The following RSRC1 variants were observed in gnomAD, a reference collection of about 807,000 sequenced individuals.
The protein encoded by RSRC1 is serine/Arginine-related protein 53.
A neutral mutation model predicts 49.1 loss-of-function variants in RSRC1; 39 were observed. The ratio of observed to expected loss-of-function variants is 0.79; its 90% confidence interval spans 0.61 to 1.04. The LOEUF (loss-of-function observed/expected upper bound fraction) is 1.04. RSRC1 is among the 50% of genes least tolerant of loss of function. The pLI is 0.00. For missense variants in RSRC1, 388 were observed against 402.4 expected, an observed-to-expected ratio of 0.96 and a Z score of 0.31; for synonymous variants, 143 against 130.8, an observed-to-expected ratio of 1.09 and a Z score of -0.63.
chr3:158,458,415 A>G (rs1182384433), intron 6 of RSRC1, among the ~76,000 whole-genome samples: 2 of 152,162 alleles, frequency 1.3e-5, no homozygotes, highest in East Asian at 1.9e-4. Context: ...AAAAACTGCA[A>G]TTACTAAAAA....
chr3:158,119,536 A>C (rs1207580993), intron 1 of RSRC1, among the ~76,000 whole-genome samples: 2 of 152,180 alleles, frequency 1.3e-5, no homozygotes, highest in African/African-American at 4.8e-5. Flanking sequence ...AGGTAAAAAC[A>C]AGAAAGGAAT....
chr3:158,448,129 G>A lies in RSRC1; in HGVS notation c.584-12806G>A, dbSNP rs150419724. Reference sequence around the variant, plus strand: ...TGGGAGTTATCATAGTGGCCAAACCGACTTCAAATTGACATCAAGTTGATG... The same window carrying A: ...TGGGAGTTATCATAGTGGCCAAACCAACTTCAAATTGACATCAAGTTGATG... On this transcript the variant is annotated intron_variant, in intron 6 of 9. Transcript: ENST00000611884. Among the ~76,000 whole-genome samples, 37 of 151,858 alleles carry A rather than the reference G, an allele frequency of 2.4e-4. No individual in the cohort carries two copies. In the East Asian group the frequency reaches 6.8e-3, roughly 28 times the overall value.
At chr3:158,240,368 G>T (rs148403433) in intron 4 of RSRC1, among the ~76,000 whole-genome samples, 151 of 152,074 alleles carry the variant, frequency 9.9e-4, no homozygotes, top group African/African-American at 3.4e-3. Context: ...ATTTATCAAA[G>T]ATTTTTTTCT....
intron 4 of RSRC1, among the ~76,000 whole-genome samples, chr3:158,245,911 A>G (rs776396166): frequency 2.0e-4 from 31 of 151,820 alleles, no homozygotes; most frequent in Non-Finnish European, 4.4e-4. Flanking sequence ...TGCTTGGTAA[A>G]TTTTCCTCCA....
At chr3:158,306,777 A>G (rs139454656) in intron 5 of RSRC1, among the ~76,000 whole-genome samples, 50 of 151,982 alleles carry the variant, frequency 3.3e-4, no homozygotes, top group African/African-American at 1.2e-3. Context: ...ATAATCTTCA[A>G]TTTTGGTAGT....
In RSRC1 at chr3:158,544,344, A is replaced by G. The variant is rs1054918560; in HGVS notation, c.*69A>G. 9.9e-6 allele frequency: 10 copies of G among 1,011,746 alleles called. No homozygotes were observed. The Admixed American group carries it at 1.4e-4, about 14-fold the overall frequency. 62.7% of individuals were successfully genotyped at this position (1,011,746 alleles called of 1,614,324 possible). ...GAAATTTAGGTTTTTAAATCCCAAT[A>G]TTAACTTTTTACTCTTAAAAAGAAT... On this transcript the variant is annotated 3_prime_UTR_variant, in exon 10 of 10. Coordinates refer to ENST00000611884, the MANE Select transcript of RSRC1 (RefSeq NM_001271838.2).
intron 4 of RSRC1, among the ~76,000 whole-genome samples, chr3:158,287,643 A>G (rs1053572028): frequency 7.2e-5 from 11 of 152,206 alleles, no homozygotes; most frequent in Non-Finnish European, 1.2e-4. Flanking sequence ...ATGCAAGTAT[A>G]TTATTGACAA....
chr3:158,301,472 A>G (rs1727545363), intron 5 of RSRC1, among the ~76,000 whole-genome samples: 1 of 152,044 alleles, frequency 6.6e-6, no homozygotes, highest in Admixed American at 6.6e-5. Flanking sequence ...TACTTCCCTT[A>G]TTTATTTTGA....
chr3:158,370,357 G>A (rs1731998876), intron 6 of RSRC1, among the ~76,000 whole-genome samples: 2 of 151,818 alleles, frequency 1.3e-5, no homozygotes, highest in African/African-American at 4.8e-5. Flanking sequence ...CAAAGATTTT[G>A]GTAAAGAACC....
intron 6 of RSRC1, among the ~76,000 whole-genome samples, chr3:158,458,988 C>G (rs1255814818): frequency 6.6e-6 from 1 of 152,038 alleles, no homozygotes; most frequent in Non-Finnish European, 1.5e-5. Flanking sequence ...AGTAATTGTT[C>G]CCTTCAAGTG....
chr3:158,352,061 G>A (rs1730910173), intron 5 of RSRC1, among the ~76,000 whole-genome samples: 1 of 151,704 alleles, frequency 6.6e-6, no homozygotes, highest in African/African-American at 2.4e-5. Context: ...CTTGAGGCCA[G>A]GAGTTTGAGA....
chr3:158,532,347 G>A lies in RSRC1; in HGVS notation c.653-4745G>A, dbSNP rs560054828. ...CTGGCATTGTTATTAGAGGAGATTG[G>A]TTTATGTTTGTAATCTACAAATGCA... On this transcript the variant is annotated intron_variant, in intron 7 of 9. Transcript: ENST00000611884. 1.3e-4 allele frequency among the ~76,000 whole-genome samples: 19 copies of A among 151,836 alleles called. 1 individual carries two copies. The South Asian group carries it at 3.9e-3, about 32-fold the overall frequency.
intron 6 of RSRC1, among the ~76,000 whole-genome samples, chr3:158,453,074 A>C (rs1232802631): frequency 6.6e-6 from 1 of 152,142 alleles, no homozygotes; most frequent in Non-Finnish European, 1.5e-5. Context: ...AATATATATC[A>C]GGCCATCTTA....
intron 4 of RSRC1, among the ~76,000 whole-genome samples, chr3:158,238,726 T>C (rs1723386816): frequency 6.6e-6 from 1 of 152,180 alleles, no homozygotes; most frequent in South Asian, 2.1e-4. Flanking sequence ...TCAAGATGGA[T>C]TGAAGCCTTA....
intron 8 of RSRC1, among the ~76,000 whole-genome samples, chr3:158,538,480 A>T (rs1192997082): frequency 2.0e-5 from 3 of 151,862 alleles, no homozygotes; most frequent in African/African-American, 7.2e-5. Flanking sequence ...AATTACTATG[A>T]TTTATTTTAA....
intron 4 of RSRC1, among the ~76,000 whole-genome samples, chr3:158,206,869 G>A (rs1345644506): frequency 3.3e-5 from 5 of 152,068 alleles, no homozygotes; most frequent in East Asian, 1.9e-4. Flanking sequence ...AGCTGAGATC[G>A]TGCCATTGCA....
At chr3:158,425,749 T>A (rs1364694916) in intron 6 of RSRC1, among the ~76,000 whole-genome samples, 1 of 152,014 alleles carries the variant, frequency 6.6e-6, no homozygotes, top group East Asian at 1.9e-4. Context: ...AGGACTTGCT[T>A]TATGAATCTG....
intron 4 of RSRC1, chr3:158,276,229 G>T (rs531021768): frequency 4.9e-5 from 38 of 775,864 alleles, no homozygotes; most frequent in South Asian, 4.7e-4. Flanking sequence ...TGGCGAATAC[G>T]AATCCTATAT....
chr3:158,365,500 G>A (rs1578391557), intron 6 of RSRC1, among the ~76,000 whole-genome samples: 1 of 152,136 alleles, frequency 6.6e-6, no homozygotes, highest in African/African-American at 2.4e-5. Context: ...TGGCTACATA[G>A]TATTCCATGT....
Sources: gnomAD v4.1 joint callset for allele counts (sites outside exome capture counted in the v4.1 genomes callset) on GRCh38, gnomAD v4.1.1 for gene constraint, MANE v1.5 for transcripts, NCBI Gene and HGNC (gene_info 2026-07-23, HGNC 2026-07-21) for gene names.